SESTD1: variants seen among roughly 807,000 people sequenced by gnomAD.
The protein encoded by SESTD1 is SEC14 and spectrin domain containing 1.
In SESTD1, 43 loss-of-function variants were observed where a neutral mutation model predicts 101.7. The ratio of observed to expected loss-of-function variants is 0.42; its 90% CI spans 0.33 to 0.55. The LOEUF is 0.55. Among genes scored for constraint, SESTD1 ranks in the 20% least tolerant of loss-of-function variants. SESTD1 has a pLI of 0.07. For synonymous variants in SESTD1, 283 were observed against 286.8 expected, an observed-to-expected ratio of 0.99 and a Z score of 0.13; for missense variants, 647 against 815.1, an observed-to-expected ratio of 0.79 and a Z score of 2.51.
chr2:179,180,140 A>G (rs1048967578), intron 3 of SESTD1, among the ~76,000 whole-genome samples: 1 of 152,234 alleles, frequency 6.6e-6, no homozygotes, highest in Non-Finnish European at 1.5e-5. Context: ...CAACCTGTGT[A>G]GAAAAGAGTC....
At chr2:179,166,092 T>C (rs931632444) in intron 5 of SESTD1, among the ~76,000 whole-genome samples, 1 of 152,088 alleles carries the variant, frequency 6.6e-6, no homozygotes, top group Non-Finnish European at 1.5e-5. Context: ...GGTAGGAATT[T>C]AGGTTAAAAT....
chr2:179,256,830 A>C (rs2047401532), intron 1 of SESTD1, among the ~76,000 whole-genome samples: 1 of 151,440 alleles, frequency 6.6e-6, no homozygotes, highest in Non-Finnish European at 1.5e-5. Flanking sequence ...AAAAAAAAAA[A>C]CTGACAGATG....
chr2:179,240,196 G>A (rs1162493221), intron 1 of SESTD1, among the ~76,000 whole-genome samples: 1 of 152,150 alleles, frequency 6.6e-6, no homozygotes, highest in African/African-American at 2.4e-5. Context: ...GTTGGAAGAG[G>A]AGAGAAAAGC....
chr2:179,264,227 C>G (rs1368352433), intron 1 of SESTD1: 2 of 151,822 alleles, frequency 1.3e-5, no homozygotes, highest in Non-Finnish European at 2.9e-5. Context: ...GCAGACGGCG[C>G]GGAGGCAAAG....
At chr2:179,134,644 A>G (rs941722101) in intron 9 of SESTD1, among the ~76,000 whole-genome samples, 6 of 152,106 alleles carry the variant, frequency 3.9e-5, no homozygotes, top group Non-Finnish European at 4.4e-5. Context: ...AAGGTTTCCA[A>G]TAGAGATTGG....
chr2:179,173,107 T>C (rs560744194), intron 4 of SESTD1, among the ~76,000 whole-genome samples: 1 of 152,312 alleles, frequency 6.6e-6, no homozygotes, highest in South Asian at 2.1e-4. Flanking sequence ...TCCTGCAATA[T>C]GAAAAGTCTG....
In SESTD1 at chr2:179,115,203, T is replaced by G. The variant is rs2289993; in HGVS notation, c.1701A>C (p.Gln567His). ...QLLQATVVLCQSLRCTSRSSG... is the reference protein window; with the variant it reads ...QLLQATVVLCHSLRCTSRSSG... ...ATGACCGAGAAGTGCAGCGCAAAGA[T>G]TGGCATAACACAACTGTGGCCTGTA... Residue 567 changes from glutamine to histidine, a missense_variant, in exon 16 of 18, where the codon CAA becomes CAC. Gln to His is a conservative substitution (Grantham distance 24). Coordinates refer to ENST00000428443, the MANE Select transcript of SESTD1 (RefSeq NM_178123.5). 1 of 1,613,312 alleles carries G rather than the reference T, an allele frequency of 6.2e-7. No individual in the cohort carries two copies. Among genetic ancestry groups the G allele is most frequent in the South Asian group, 1.1e-5 (1 of 90,942 alleles).
intron 3 of SESTD1, 144 bp from the exon 4 acceptor site, chr2:179,176,682 ATTC>A: frequency 2.0e-6 from 1 of 511,368 alleles, no homozygotes; most frequent in Non-Finnish European, 3.3e-6. Context: ...AATAAATAAA[ATTC>A]TTGAGAGTAT....
intron 5 of SESTD1, among the ~76,000 whole-genome samples, chr2:179,163,383 A>T (rs2045776265): frequency 6.6e-6 from 1 of 152,136 alleles, no homozygotes; most frequent in Non-Finnish European, 1.5e-5. Context: ...ATCTCCATGA[A>T]CATTCTAATA....
chr2:179,259,908 C>A (rs1478258254), intron 1 of SESTD1, among the ~76,000 whole-genome samples: 1 of 152,150 alleles, frequency 6.6e-6, no homozygotes, highest in South Asian at 2.1e-4. Flanking sequence ...AATGATTTTA[C>A]CTACCATCCT....
At chr2:179,130,179 T>C (rs1406683709) in intron 10 of SESTD1, among the ~76,000 whole-genome samples, 1 of 152,162 alleles carries the variant, frequency 6.6e-6, no homozygotes, top group Non-Finnish European at 1.5e-5. Flanking sequence ...ATTTAGTAGC[T>C]TTCTCTAAGA....
At chr2:179,226,580 T>C (rs1372742450) in intron 1 of SESTD1, among the ~76,000 whole-genome samples, 2 of 152,198 alleles carry the variant, frequency 1.3e-5, no homozygotes, top group African/African-American at 2.4e-5. Flanking sequence ...ATAGAAGTGG[T>C]TGGTCAGAAG....
chr2:179,156,606 G>A (rs143073751), intron 5 of SESTD1, among the ~76,000 whole-genome samples: 18 of 152,090 alleles, frequency 1.2e-4, no homozygotes, highest in East Asian at 5.8e-4. Flanking sequence ...TATGTTTGTT[G>A]GCCATTTGTA....
At chr2:179,176,393 AG>A in intron 4 of SESTD1, 54 bp downstream of exon 4, 1 of 1,357,902 alleles carries the variant, frequency 7.4e-7, no homozygotes, top group African/African-American at 1.4e-5. Context: ...CATTTTCACC[AG>A]GATCTGTTGC....
In SESTD1 at chr2:179,115,079, A is replaced by C; in HGVS notation, c.1825T>G (p.Ser609Ala). Residue 609 changes from serine (S) to alanine (A), a missense_variant, in exon 16 of 18, where the codon TCA (serine) becomes GCA (alanine). By Grantham distance (99) the Ser-to-Ala change is moderately conservative (BLOSUM62 1). Around this residue, in one of 3 missense-constraint regions of SESTD1, gnomAD observed 476 missense variants for 562.6 expected, o/e 0.85. Transcript: ENST00000428443. ...HRLEMAIAFHSNAEKILQDCP... is the reference protein window; with the variant it reads ...HRLEMAIAFHANAEKILQDCP... ...CACAAGCAAACCTTTTCAGCATTTG[A>C]GTGAAATGCAATAGCCATTTCCAAT... 2 of 1,610,424 alleles carry C rather than the reference A, an allele frequency of 1.2e-6. No individual in the cohort carries two copies. Among genetic ancestry groups the C allele is most frequent in the Non-Finnish European group, 1.7e-6 (2 of 1,179,180 alleles).
At chr2:179,236,506 A>AT (rs1478875643) in intron 1 of SESTD1, among the ~76,000 whole-genome samples, 4 of 151,932 alleles carry the variant, frequency 2.6e-5, no homozygotes, top group Non-Finnish European at 4.4e-5. Context: ...CTAAAAAGTA[A>AT]TTTTTTTAAA....
At chr2:179,143,936 T>A in intron 8 of SESTD1, 133 bp from the exon 9 acceptor site, 2 of 854,078 alleles carry the variant, frequency 2.3e-6, no homozygotes, top group Non-Finnish European at 3.5e-6. Context: ...AAATGGAATT[T>A]AAAAATGTAT....
intron 2 of SESTD1, among the ~76,000 whole-genome samples, chr2:179,185,100 A>C (rs2046188133): frequency 6.6e-6 from 1 of 151,978 alleles, no homozygotes; most frequent in African/African-American, 2.4e-5. Flanking sequence ...ACACCATTGG[A>C]AAAAATAGGA....
chr2:179,199,262 T>C (rs2046459902), intron 1 of SESTD1, among the ~76,000 whole-genome samples: 1 of 152,006 alleles, frequency 6.6e-6, no homozygotes, highest in Non-Finnish European at 1.5e-5. Context: ...CAGGAAGAAG[T>C]TGAATCTCTG....
Sources: gnomAD v4.1 joint callset for allele counts (sites outside exome capture counted in the v4.1 genomes callset) on GRCh38, gnomAD v4.1.1 for gene constraint, gnomAD v4.1.1 regional missense constraint, MANE v1.5 for transcripts, NCBI Gene and HGNC (gene_info 2026-07-23, HGNC 2026-07-21) for gene names.